The following FAM149A variants were observed in gnomAD, a reference collection of about 807,000 sequenced individuals.
The protein encoded by FAM149A is family with sequence similarity 149 member A.
A neutral mutation model predicts 78.2 loss-of-function variants in FAM149A; 71 were observed. The observed-to-expected ratio is 0.91, with a 90% CI of 0.75 to 1.11. The LOEUF (loss-of-function observed/expected upper bound fraction) is 1.11, where lower values mean the gene tolerates loss of function less well. FAM149A is among the 50% of genes least tolerant of loss of function. The pLI is 0.00. For synonymous variants in FAM149A, 446 were observed against 410.5 expected (o/e 1.09, Z -1.04); for missense variants, 1,036 against 971.0 (o/e 1.07, Z -0.89).
At chr4:186,171,121 T>C (rs1179843405) in intron 13 of FAM149A, 2 of 152,372 alleles carry the variant, frequency 1.3e-5, no homozygotes, top group East Asian at 3.9e-4. Flanking sequence ...AGGCCGGATG[T>C]TGGCTCCGTG....
At chr4:186,161,141 TATA>T (rs1403391397) in intron 8 of FAM149A, among the ~76,000 whole-genome samples, 4 of 152,224 alleles carry the variant, frequency 2.6e-5, no homozygotes, top group Admixed American at 2.0e-4. Flanking sequence ...ATATATATTT[TATA>T]ATGAGATGTG....
At position 186,105,121 on chromosome 4, in the gene FAM149A, C is replaced by T; in HGVS notation, c.45C>T (p.Leu15=). The T allele has an allele frequency of 7.8e-7, 1 of 1,281,256 alleles. No homozygotes were observed. The allele number at this position is 1,281,256 out of a possible 1,614,324, so 79.4% of individuals were successfully genotyped here. ...ACCTTGGGTCTCTCTTGGCCAAACT[C>T]TTCGAGACCTCGACGGCGCCCCCCG... is the stretch of plus-strand genomic sequence containing the variant. The change falls in exon 1 of 14, where the codon CTC becomes CTT. Residue 15 remains leucine (L), a synonymous_variant. Transcript: ENST00000389354.
intron 3 of FAM149A, chr4:186,151,119 G>C: frequency 1.1e-6 from 1 of 910,488 alleles, no homozygotes; most frequent in Middle Eastern, 5.6e-4. Flanking sequence ...TGCACCGAGG[G>C]GGTCTGAAAG....
intron 4 of FAM149A, chr4:186,153,170 G>C: frequency 1.4e-6 from 1 of 735,884 alleles, no homozygotes; most frequent in Non-Finnish European, 1.7e-6. Context: ...TGTCACTGCT[G>C]TCTTACATCA....
intron 6 of FAM149A, among the ~76,000 whole-genome samples, chr4:186,155,253 A>G (rs1733958533): frequency 6.6e-6 from 1 of 152,238 alleles, no homozygotes; most frequent in Non-Finnish European, 1.5e-5. Context: ...GGCGTGAGCC[A>G]CTGTGCCCAG....
chr4:186,172,178 A>T lies in FAM149A; in HGVS notation c.*191A>T. On this transcript the variant is annotated 3_prime_UTR_variant, in exon 14 of 14. Coordinates refer to ENST00000389354, the MANE Select transcript of FAM149A (RefSeq NM_001367768.3). ...TGTAAAGAGAGTGAAAGTCAAACCCACCAAGCTGCCTTGCTGAAAGCATCT... is the reference window on the plus strand; with the variant it reads ...TGTAAAGAGAGTGAAAGTCAAACCCTCCAAGCTGCCTTGCTGAAAGCATCT... The T allele has an allele frequency of 1.2e-6, 1 of 825,340 alleles. No individual in the cohort carries two copies. Among genetic ancestry groups the T allele is most frequent in the South Asian group, 3.0e-5 (1 of 33,482 alleles). The allele number at this position is 825,340 out of a possible 1,614,324, so 51.1% of individuals were successfully genotyped here.
At position 186,171,925 on chromosome 4, in the gene FAM149A, G is replaced by T; in HGVS notation, c.2230G>T (p.Val744Leu). 6.2e-7 allele frequency: 1 copy of T among 1,607,462 alleles called. No individual in the cohort carries two copies. Among genetic ancestry groups the T allele is most frequent in the Non-Finnish European group, 8.5e-7 (1 of 1,177,570 alleles). Residue 744 changes from valine (V) to leucine (L), a missense_variant, in exon 14 of 14, where the codon GTG becomes TTG. Val to Leu is a conservative substitution (Grantham distance 32). Around this residue, in one of 3 missense-constraint regions of FAM149A, gnomAD observed 716 missense variants for 711.8 expected, o/e 1.01. Coordinates refer to ENST00000389354, the MANE Select transcript of FAM149A (RefSeq NM_001367768.3). ...CTTGGTGTTTCCAGGTTCACAATAT[G>T]TGCCTAAATCTTTTCAGAGGACAAC...
At chr4:186,117,569 G>T in intron 1 of FAM149A, 1 of 985,442 alleles carries the variant, frequency 1.0e-6, no homozygotes, top group Non-Finnish European at 1.2e-6. Context: ...CACTGTCGGA[G>T]ACCAAAGCAG....
At chr4:186,133,439 A>G (rs759451924) in intron 1 of FAM149A, among the ~76,000 whole-genome samples, 1 of 152,170 alleles carries the variant, frequency 6.6e-6, no homozygotes, top group Non-Finnish European at 1.5e-5. Context: ...CCTTATATAT[A>G]TAAGTGGAAT....
rs1406167931 is a variant in FAM149A at position 186,136,950 on chromosome 4, CTCTCTCTCTCTCTTTCTCTCTCTCTT to C, written c.567-12209_567-12184del. 8.3e-4 allele frequency among the ~76,000 whole-genome samples: 104 copies of C among 125,850 alleles called. 4 individuals are homozygous for C. Among genetic ancestry groups the C allele is most frequent in the Middle Eastern group, 4.1e-3 (1 of 242 alleles). 82.6% of individuals were successfully genotyped at this position (125,850 alleles called of 152,430 possible). A position where few individuals can be genotyped will look rare whatever the true frequency, so the allele number is the denominator to read the frequency against. On this transcript the variant is annotated intron_variant, in intron 1 of 13. Coordinates refer to ENST00000389354, the MANE Select transcript of FAM149A (RefSeq NM_001367768.3). ...TACACTGATTGATCTCTCTCTCTCT[CTCTCTCTCTCTCTTTCTCTCTCTCTT>C]TCTCTCTCTCTCTCTCTCTCTCTCT... is the stretch of plus-strand genomic sequence containing the variant.
At chr4:186,125,886 C>A in intron 1 of FAM149A, 17 of 985,300 alleles carry the variant, frequency 1.7e-5, no homozygotes, top group Non-Finnish European at 2.0e-5. Context: ...ATCACACGAA[C>A]GAGTGTGGCA....
intron 1 of FAM149A, among the ~76,000 whole-genome samples, chr4:186,130,694 G>GA (rs1388171973): frequency 6.6e-6 from 1 of 151,866 alleles, no homozygotes; most frequent in Non-Finnish European, 1.5e-5. Flanking sequence ...ATTTGTTTCA[G>GA]AAAAAATACC....
At chr4:186,116,298 C>T (rs1706993402) in intron 1 of FAM149A, 1 of 212,702 alleles carries the variant, frequency 4.7e-6, no homozygotes. Flanking sequence ...CTGTCTGGCA[C>T]TCCCTAGTGA....
chr4:186,169,306 C>T lies in FAM149A; in HGVS notation c.2218+2044C>T, dbSNP rs1259541160. The T allele has an allele frequency of 4.1e-6, 4 of 985,278 alleles. No individual in the cohort carries two copies. The African/African-American group carries it at 7.0e-5, about 17-fold the overall frequency. 61.0% of individuals were successfully genotyped at this position (985,278 alleles called of 1,614,324 possible). A position where few individuals can be genotyped will look rare whatever the true frequency, so the allele number is the denominator to read the frequency against. On this transcript the variant is annotated intron_variant, in intron 13 of 13. Coordinates refer to ENST00000389354, the MANE Select transcript of FAM149A (RefSeq NM_001367768.3). ...ACACAAAAATCCACCAAGGACAACA[C>T]AGCCAAGGCCCCTGATCTCACGACG...
At chr4:186,160,592 CCA>C (rs915309426) in intron 8 of FAM149A, among the ~76,000 whole-genome samples, 14 of 147,226 alleles carry the variant, frequency 9.5e-5, no homozygotes, top group African/African-American at 3.4e-4. Flanking sequence ...CATACACACA[CCA>C]CACACATACA....
At position 186,156,566 on chromosome 4, in the gene FAM149A, C is replaced by T. The variant is rs146462848; in HGVS notation, c.1420+376C>T. 1.9e-3 allele frequency among the ~76,000 whole-genome samples: 295 copies of T among 152,104 alleles called. 1 individual carries two copies. The highest frequency in any genetic ancestry group is 6.7e-3 in the African/African-American group (278 of 41,508). On this transcript the variant is annotated intron_variant, in intron 7 of 13. Coordinates refer to ENST00000389354, the MANE Select transcript of FAM149A (RefSeq NM_001367768.3). ...GTATGTGCCTGTAATCCCAGCTACTCGGGAGGCTGAGGCAGGAGAATTGCT... is the reference window on the plus strand; with the variant it reads ...GTATGTGCCTGTAATCCCAGCTACTTGGGAGGCTGAGGCAGGAGAATTGCT...
At chr4:186,110,756 G>A (rs2099310900) in intron 1 of FAM149A, among the ~76,000 whole-genome samples, 1 of 145,832 alleles carries the variant, frequency 6.9e-6, no homozygotes, top group Non-Finnish European at 1.5e-5. Flanking sequence ...AGTATTTCAT[G>A]GTGTATATGT....
chr4:186,150,255 C>G (rs1002521386), intron 3 of FAM149A, among the ~76,000 whole-genome samples: 5 of 152,002 alleles, frequency 3.3e-5, no homozygotes, highest in African/African-American at 1.2e-4. Context: ...CCCTCCCCCT[C>G]CCTCCAAGGG....
chr4:186,129,107 GTGTC>G (rs762208716), intron 1 of FAM149A, among the ~76,000 whole-genome samples: 4 of 151,016 alleles, frequency 2.6e-5, no homozygotes, highest in African/African-American at 9.8e-5. Context: ...GTGTCTCTCT[GTGTC>G]TGTGTATGAG....
Sources: gnomAD v4.1 joint callset for allele counts (sites outside exome capture counted in the v4.1 genomes callset) on GRCh38, gnomAD v4.1.1 for gene constraint, gnomAD v4.1.1 regional missense constraint, MANE v1.5 for transcripts, NCBI Gene and HGNC (gene_info 2026-07-23, HGNC 2026-07-21) for gene names.